The following PRKCI variants were observed in gnomAD, a reference collection of about 807,000 sequenced individuals.
The protein encoded by PRKCI is protein kinase C iota.
Under a neutral mutation model 84.0 loss-of-function variants are expected in PRKCI, and 43 were observed. That is an observed-to-expected ratio of 0.51 (90% CI 0.40 to 0.66). The LOEUF (loss-of-function observed/expected upper bound fraction) is 0.66, where lower values mean the gene tolerates loss of function less well. Among genes scored for constraint, PRKCI ranks in the 30% least tolerant of loss-of-function variants. PRKCI has a pLI of 0.00. For missense variants in PRKCI, 459 were observed against 745.6 expected (o/e 0.62, Z 4.48); for synonymous variants, 216 against 234.4 (o/e 0.92, Z 0.72).
At chr3:170,249,423 G>C (rs1172139743) in intron 2 of PRKCI, among the ~76,000 whole-genome samples, 2 of 152,114 alleles carry the variant, frequency 1.3e-5, no homozygotes, top group East Asian at 3.9e-4. Context: ...GAGTGCGTGT[G>C]TGCGTTTATG....
chr3:170,262,465 T>G (rs1451330540), intron 3 of PRKCI, among the ~76,000 whole-genome samples: 1 of 152,090 alleles, frequency 6.6e-6, no homozygotes, highest in Admixed American at 6.6e-5. Flanking sequence ...ATGCATTGGT[T>G]TTTTTGTTTT....
Position 170,268,496 on chromosome 3 carries a change from AG to A in PRKCI, c.450+497del, listed in dbSNP as rs1250787897. On this transcript the variant is annotated intron_variant, in intron 5 of 17. Transcript: ENST00000295797. ...CTCAGTTTCAAAAAAAAAAAAAAAA[AG>A]CTCCAGATTGGATGATTAATTATTC... Among the ~76,000 whole-genome samples, 411 of 151,780 alleles carry A rather than the reference AG, an allele frequency of 2.7e-3. 2 individuals carry two copies. Among genetic ancestry groups the A allele is most frequent in the African/African-American group, 8.7e-3 (360 of 41,400 alleles).
At position 170,222,441 on chromosome 3, in the gene PRKCI, G is replaced by C. The variant is rs773097863; in HGVS notation, c.-229G>C. On this transcript the variant is annotated 5_prime_UTR_variant, in exon 1 of 18. Transcript: ENST00000295797. The stretch of plus-strand genomic sequence containing the variant: ...GAGGGACCGACGCAGGAGGTGTCTT[G>C]GGCCCGGGCGGCTGTAGAGGCGGCG... 3.3e-4 allele frequency: 150 copies of C among 449,374 alleles called. No individual in the cohort carries two copies. The highest frequency in any genetic ancestry group is 5.1e-4 in the Non-Finnish European group (132 of 258,586). The allele number at this position is 449,374 out of a possible 1,614,324, so 27.8% of individuals were successfully genotyped here.
At chr3:170,280,426 C>T (rs1027712266) in intron 9 of PRKCI, 23 bp downstream of exon 9, 4 of 1,561,034 alleles carry the variant, frequency 2.6e-6, no homozygotes, top group Non-Finnish European at 3.5e-6. Context: ...TATTTTATTG[C>T]TTCTAAACTG....
intron 8 of PRKCI, among the ~76,000 whole-genome samples, chr3:170,276,050 T>C (rs1734105840): frequency 6.6e-6 from 1 of 151,500 alleles, no homozygotes; most frequent in East Asian, 1.9e-4. Flanking sequence ...CTTCCCACCT[T>C]AGCCTCCCGA....
chr3:170,249,143 C>T (rs372646073), intron 2 of PRKCI, among the ~76,000 whole-genome samples: 6 of 152,072 alleles, frequency 3.9e-5, no homozygotes, highest in East Asian at 1.9e-4. Context: ...CTACCGCGCC[C>T]GGCCAGAATT....
Position 170,267,837 on chromosome 3 carries a change from A to C in PRKCI, c.365-78A>C. Reference sequence around the variant, plus strand: ...TTTCTTGCAGTGAGTATCATGAAAAAATTACAGACTTAATTATAAAATGAT... The same window carrying C: ...TTTCTTGCAGTGAGTATCATGAAAACATTACAGACTTAATTATAAAATGAT... On this transcript the variant is annotated intron_variant, in intron 4 of 17. Transcript: ENST00000295797. 4.5e-6 allele frequency: 5 copies of C among 1,105,880 alleles called. No homozygotes were observed. The East Asian group carries it at 1.3e-4, about 29-fold the overall frequency. 68.5% of individuals were successfully genotyped at this position (1,105,880 alleles called of 1,614,324 possible).
At chr3:170,241,230 C>A (rs1398543083) in intron 2 of PRKCI, among the ~76,000 whole-genome samples, 1 of 152,074 alleles carries the variant, frequency 6.6e-6, no homozygotes, top group Non-Finnish European at 1.5e-5. Context: ...TTTTGAAATA[C>A]ACAATACATT....
rs540436911 is a variant in PRKCI at position 170,264,950 on chromosome 3, C to T, written c.364+1521C>T. On this transcript the variant is annotated intron_variant, in intron 4 of 17. Coordinates refer to ENST00000295797, the MANE Select transcript of PRKCI (RefSeq NM_002740.6). ...CCTGTAACCCTAGCACTTTGGGAGG[C>T]TGAGGCAGGCAGATCACCTGAGGTC... is the stretch of plus-strand genomic sequence containing the variant. 2.9e-3 allele frequency among the ~76,000 whole-genome samples: 437 copies of T among 152,160 alleles called. 1 individual carries two copies. Among genetic ancestry groups the T allele is most frequent in the African/African-American group, 9.2e-3 (384 of 41,526 alleles).
rs962715050 is a variant in PRKCI, at chr3:170,303,293, A to G, written c.*166A>G. ...AATCAATTATTACATCTGTTTTACT[A>G]TGAAAAAAAAATTAATACTACTAGC... On this transcript the variant is annotated 3_prime_UTR_variant, in exon 18 of 18. Transcript: ENST00000295797. 4.8e-6 allele frequency: 2 copies of G among 413,160 alleles called. No homozygotes were observed. Among genetic ancestry groups the G allele is most frequent in the African/African-American group, 4.1e-5 (2 of 48,264 alleles). The allele number at this position is 413,160 out of a possible 1,614,324, so 25.6% of individuals were successfully genotyped here. A position where few individuals can be genotyped will look rare whatever the true frequency, so the allele number is the denominator to read the frequency against.
chr3:170,261,180 G>A (rs554269152), intron 3 of PRKCI, among the ~76,000 whole-genome samples: 2 of 149,744 alleles, frequency 1.3e-5, no homozygotes, highest in African/African-American at 4.9e-5. Flanking sequence ...GCCCAGGCTG[G>A]TCTCAAACTC....
chr3:170,262,657 T>C (rs1733756580), intron 3 of PRKCI, among the ~76,000 whole-genome samples: 1 of 151,970 alleles, frequency 6.6e-6, no homozygotes, highest in Non-Finnish European at 1.5e-5. Flanking sequence ...TTTTTTTGTA[T>C]TTTTTGGTAG....
At chr3:170,255,330 G>T (rs1733559549) in intron 2 of PRKCI, among the ~76,000 whole-genome samples, 1 of 152,012 alleles carries the variant, frequency 6.6e-6, no homozygotes, top group South Asian at 2.1e-4. Context: ...AAAGTGCAGG[G>T]ATTACAGGTG....
chr3:170,274,872 A>C (rs1347923262), intron 7 of PRKCI, among the ~76,000 whole-genome samples: 1 of 152,200 alleles, frequency 6.6e-6, no homozygotes, highest in African/African-American at 2.4e-5. Context: ...TCATACTAAA[A>C]AATTTAAACA....
chr3:170,291,981 G>T lies in PRKCI; in HGVS notation c.1291+40G>T, dbSNP rs116280565. 1,109 of 1,406,302 alleles carry T rather than the reference G, an allele frequency of 7.9e-4. 8 individuals are homozygous for T. In the African/African-American group the frequency reaches 0.014, roughly 18 times the overall value. The allele number at this position is 1,406,302 out of a possible 1,614,324, so 87.1% of individuals were successfully genotyped here. A position where few individuals can be genotyped will look rare whatever the true frequency, so the allele number is the denominator to read the frequency against. The stretch of plus-strand genomic sequence containing the variant: ...GGTGGTATTATTTTAGCTATTGCTA[G>T]ATGGGTGGTAAAATGTGGTACCAAT... On this transcript the variant is annotated intron_variant, in intron 13 of 17. Transcript: ENST00000295797.
intron 5 of PRKCI, among the ~76,000 whole-genome samples, chr3:170,269,369 G>C (rs1006700355): frequency 6.6e-6 from 1 of 152,164 alleles, no homozygotes; most frequent in African/African-American, 2.4e-5. Flanking sequence ...TGACATTTAA[G>C]AAGGCTTTGA....
At chr3:170,267,790 C>G (rs1733901070) in intron 4 of PRKCI, 125 bp from the exon 5 acceptor site, 2 of 554,386 alleles carry the variant, frequency 3.6e-6, no homozygotes, top group Non-Finnish European at 5.9e-6. Context: ...TTTTGACGTT[C>G]AGGTTTTTAT....
At chr3:170,278,733 G>A (rs538638951) in intron 8 of PRKCI, among the ~76,000 whole-genome samples, 8 of 152,328 alleles carry the variant, frequency 5.3e-5, no homozygotes, top group African/African-American at 1.7e-4. Context: ...TTTGGTGCAC[G>A]GTTCTGCAGG....
intron 1 of PRKCI, 27 bp from the exon 2 acceptor site, chr3:170,235,203 A>G (rs1560166757): frequency 1.2e-6 from 2 of 1,605,984 alleles, no homozygotes; most frequent in Non-Finnish European, 8.5e-7. Flanking sequence ...AATCATTTTC[A>G]AACTGAAAAC....
Sources: gnomAD v4.1 joint callset for allele counts (sites outside exome capture counted in the v4.1 genomes callset) on GRCh38, gnomAD v4.1.1 for gene constraint, MANE v1.5 for transcripts, NCBI Gene and HGNC (gene_info 2026-07-23, HGNC 2026-07-21) for gene names.